The following FN1 variants were observed in gnomAD, a reference collection of about 807,000 sequenced individuals.
FN1 encodes fibronectin 1.
In FN1, 106 loss-of-function variants were observed where a neutral mutation model predicts 297.3. The ratio of observed to expected loss-of-function variants is 0.36; its 90% CI spans 0.30 to 0.42. The LOEUF is 0.42. Among genes scored for constraint, FN1 ranks in the 10% least tolerant of loss-of-function variants. FN1 has a pLI of 1.00. For synonymous variants in FN1, 1,149 were observed against 1,152.6 expected (o/e 1.00, Z 0.06); for missense variants, 2,690 against 3,124.9 (o/e 0.86, Z 3.32).
intron 43 of FN1, 70 bp from the exon 44 acceptor site, chr2:215,365,055 G>T: frequency 1.0e-6 from 1 of 1,004,316 alleles, no homozygotes. Context: ...CTAGGGGTGG[G>T]TTCTATTTCT....
chr2:215,410,432 C>T (rs182656570), intron 13 of FN1, among the ~76,000 whole-genome samples: 37 of 152,116 alleles, frequency 2.4e-4, no homozygotes, highest in East Asian at 2.1e-3. Context: ...TTGTTGCTCC[C>T]GTTTTACAGA....
In FN1 at chr2:215,406,108, C is replaced by T. The variant is rs2061740755; in HGVS notation, c.2986+130G>A. 11 of 930,470 alleles carry T rather than the reference C, an allele frequency of 1.2e-5. No homozygotes were observed. The East Asian group carries it at 2.4e-4, about 20-fold the overall frequency. The allele number at this position is 930,470 out of a possible 1,614,324, so 57.6% of individuals were successfully genotyped here. A position where few individuals can be genotyped will look rare whatever the true frequency, so the allele number is the denominator to read the frequency against. On this transcript the variant is annotated intron_variant, in intron 19 of 45. Coordinates refer to ENST00000354785, the MANE Select transcript of FN1 (RefSeq NM_212482.4). ...ATGTGCTTTGTGTTCACTATGCATT[C>T]CCTTGCCGGCTGGGTATTTCCCTCT...
At chr2:215,405,782 C>A (rs954445090) in intron 19 of FN1, among the ~76,000 whole-genome samples, 3 of 151,948 alleles carry the variant, frequency 2.0e-5, no homozygotes, top group African/African-American at 4.8e-5. Context: ...TAAGACCTTC[C>A]TTCCTAAGGT....
chr2:215,365,748 A>C (rs761083532), intron 42 of FN1, 118 bp from the exon 43 acceptor site: 2 of 842,752 alleles, frequency 2.4e-6, no homozygotes, highest in Non-Finnish European at 3.8e-6. Flanking sequence ...AAAAATAGCA[A>C]GTTAAAGATA....
intron 26 of FN1, among the ~76,000 whole-genome samples, chr2:215,389,859 G>A (rs1284358290): frequency 6.6e-6 from 1 of 152,156 alleles, no homozygotes; most frequent in Admixed American, 6.5e-5. Context: ...TAAGCTATAA[G>A]CTATGTGGTC....
At chr2:215,407,960 A>ACGC in intron 17 of FN1, 148 bp downstream of exon 17, 1 of 323,908 alleles carries the variant, frequency 3.1e-6, no homozygotes. Context: ...CCCGCCACAC[A>ACGC]CACACACACA....
intron 20 of FN1, among the ~76,000 whole-genome samples, chr2:215,401,912 T>A (rs1178527799): frequency 1.3e-5 from 2 of 151,606 alleles, no homozygotes; most frequent in African/African-American, 4.8e-5. Context: ...GTTTCATCTA[T>A]GTATGTTATT....
intron 22 of FN1, 63 bp downstream of exon 22, chr2:215,397,617 A>T: frequency 7.1e-7 from 1 of 1,400,194 alleles, no homozygotes. Context: ...TATTGACACT[A>T]GCTTTTTTCG....
rs143514609 is a variant in FN1, at chr2:215,391,714, C to T, written c.4170G>A (p.Leu1390=). The change falls in exon 26 of 46, where the codon CTG becomes CTA. Residue 1390 remains leucine (L), a synonymous_variant. Transcript: ENST00000354785. ...CATTTTTCACAGGTGAGTAACGCAC[C>T]AGGAAGTTGGTTAAATCAATGGATG... ...PPPSIDLTNF[L]VRYSPVKNEE... is the part of the protein sequence containing the mutation. 263 of 1,613,972 alleles carry T rather than the reference C, an allele frequency of 1.6e-4. No individual in the cohort carries two copies. The highest frequency in any genetic ancestry group is 2.1e-4 in the Non-Finnish European group (245 of 1,180,010).
chr2:215,365,823 TGAGACAAAGTC>T, intron 42 of FN1, 193 bp from the exon 43 acceptor site: 1 of 241,778 alleles, frequency 4.1e-6, no homozygotes, highest in Non-Finnish European at 7.3e-6. Flanking sequence ...TTTTTTTTTT[TGAGACAAAGTC>T]TTTCTCTGTC....
chr2:215,394,133 A>G (rs771735975), intron 24 of FN1, among the ~76,000 whole-genome samples: 1 of 152,246 alleles, frequency 6.6e-6, no homozygotes, highest in East Asian at 1.9e-4. Flanking sequence ...GCTGTTGGAA[A>G]TTGATATGGA....
chr2:215,401,111 C>A (rs1344297365), intron 20 of FN1, among the ~76,000 whole-genome samples: 1 of 141,554 alleles, frequency 7.1e-6, no homozygotes, highest in African/African-American at 2.6e-5. Flanking sequence ...AAAAAAAAAT[C>A]TTATTTTTAA....
At chr2:215,392,895 A>G (rs752687652) in intron 25 of FN1, 36 bp downstream of exon 25, 2 of 1,611,356 alleles carry the variant, frequency 1.2e-6, no homozygotes, top group Middle Eastern at 2.2e-4. Context: ...ATGCAACACC[A>G]TCTATGTCTC....
At chr2:215,414,253 G>T (rs1380238469) in intron 13 of FN1, among the ~76,000 whole-genome samples, 1 of 152,070 alleles carries the variant, frequency 6.6e-6, no homozygotes, top group Non-Finnish European at 1.5e-5. Context: ...TCAATTTCTA[G>T]TCACTTCTCA....
In FN1 at chr2:215,394,639, G is replaced by C. The variant is rs758639843; in HGVS notation, c.3685C>G (p.Gln1229Glu). ...NSLEEVVHAD[Q>E]SSCTFDNLSP... ...AGGTTATCAAAAGTGCAGGAGCTCT[G>C]ATCAGCATGGACCACTTCTTCCAAA... is the stretch of plus-strand genomic sequence containing the variant. Residue 1229 changes from glutamine to glutamate, a missense_variant, in exon 24 of 46, where the codon CAG (glutamine) becomes GAG (glutamate). This residue lies in a region of FN1 where 1,743 missense variants were observed against 1,945.2 expected (regional missense o/e 0.90). Coordinates refer to ENST00000354785, the MANE Select transcript of FN1 (RefSeq NM_212482.4). 6.2e-7 allele frequency: 1 copy of C among 1,614,078 alleles called. No individual in the cohort carries two copies. The highest frequency in any genetic ancestry group is 8.5e-7 in the Non-Finnish European group (1 of 1,179,932).
intron 10 of FN1, 139 bp from the exon 11 acceptor site, chr2:215,420,940 T>A: frequency 2.3e-6 from 2 of 859,662 alleles, no homozygotes; most frequent in Non-Finnish European, 3.7e-6. Context: ...TCTACAAGCA[T>A]AGAATAACAT....
intron 17 of FN1, 56 bp from the exon 18 acceptor site, chr2:215,407,377 G>A (rs1053430228): frequency 3.6e-6 from 5 of 1,385,812 alleles, no homozygotes; most frequent in Non-Finnish European, 5.1e-6. Context: ...CAGAGGCTTA[G>A]AAACACCATA....
chr2:215,404,343 G>C (rs766181047), intron 20 of FN1, 46 bp downstream of exon 20: 11 of 1,522,336 alleles, frequency 7.2e-6, no homozygotes, highest in Non-Finnish European at 1.0e-5. Flanking sequence ...ATGAAGAATA[G>C]AGAATGTAAA....
intron 20 of FN1, among the ~76,000 whole-genome samples, chr2:215,400,676 T>C (rs1027528469): frequency 8.3e-6 from 1 of 120,964 alleles, no homozygotes; most frequent in Non-Finnish European, 1.6e-5. Flanking sequence ...CACCTGAACC[T>C]GGGAGATGGA....
Sources: gnomAD v4.1 joint callset for allele counts (sites outside exome capture counted in the v4.1 genomes callset) on GRCh38, gnomAD v4.1.1 for gene constraint, gnomAD v4.1.1 regional missense constraint, MANE v1.5 for transcripts, NCBI Gene and HGNC (gene_info 2026-07-23, HGNC 2026-07-21) for gene names.